The following WWC2 variants were observed in gnomAD, a reference collection of about 807,000 sequenced individuals.
The protein encoded by WWC2 is WW and C2 domain containing 2.
WWC2 carries 101 observed loss-of-function variants against 138.5 expected under a neutral mutation model. That is an observed-to-expected ratio of 0.73 (90% confidence interval 0.62 to 0.86). The LOEUF is 0.86. Ranked by LOEUF, WWC2 falls within the 40% of genes least tolerant of loss-of-function variation. The probability of loss-of-function intolerance (pLI) is 0.00; values close to 1 mark genes in which losing one functional copy is unlikely to be tolerated. For missense variants in WWC2, 1,420 were observed against 1,419.4 expected (o/e 1.00, Z -0.01); for synonymous variants, 558 against 538.4 (o/e 1.04, Z -0.50).
At chr4:183,269,243 G>A in intron 15 of WWC2, 80 bp downstream of exon 15, 1 of 1,424,004 alleles carries the variant, frequency 7.0e-7, no homozygotes, top group Non-Finnish European at 9.5e-7. Context: ...TTGCTATTTT[G>A]CCAGCCCTAG....
rs922830353 is a variant in WWC2 at position 183,228,725 on chromosome 4, G to A, written c.523-11458G>A. On this transcript the variant is annotated intron_variant, in intron 4 of 22. Coordinates refer to ENST00000403733, the MANE Select transcript of WWC2 (RefSeq NM_024949.6). ...AGCTGGAACTCTTTACTGCTGGTGG[G>A]AAACTGGCCTTTCCTAATAAAGCTG... 5.7e-4 allele frequency among the ~76,000 whole-genome samples: 86 copies of A among 152,166 alleles called. 3 individuals are homozygous for A. Among genetic ancestry groups the A allele is most frequent in the African/African-American group, 2.0e-3 (81 of 41,434 alleles).
chr4:183,210,830 G>A (rs900676530), intron 4 of WWC2, among the ~76,000 whole-genome samples: 10 of 152,140 alleles, frequency 6.6e-5, no homozygotes, highest in African/African-American at 1.9e-4. Flanking sequence ...ACACACAGTG[G>A]TATTTGTGTC....
intron 1 of WWC2, among the ~76,000 whole-genome samples, chr4:183,123,750 A>G (rs1403225283): frequency 6.6e-6 from 1 of 152,120 alleles, no homozygotes; most frequent in Non-Finnish European, 1.5e-5. Context: ...TTTTCACTAT[A>G]CAGAGATAGT....
intron 1 of WWC2, among the ~76,000 whole-genome samples, chr4:183,113,537 T>G (rs933434308): frequency 2.7e-5 from 4 of 145,984 alleles, no homozygotes; most frequent in South Asian, 2.2e-4. Context: ...CGCGCGCACA[T>G]GCACGTGCAT....
intron 20 of WWC2, among the ~76,000 whole-genome samples, chr4:183,286,648 C>T (rs1214909966): frequency 1.3e-5 from 2 of 152,182 alleles, no homozygotes; most frequent in East Asian, 3.9e-4. Context: ...TTCCTGTTTA[C>T]TTGCTAACAG....
intron 21 of WWC2, among the ~76,000 whole-genome samples, chr4:183,310,830 T>A: frequency 1.4e-5 from 1 of 71,296 alleles, no homozygotes; most frequent in African/African-American, 5.1e-5. Flanking sequence ...CCTGGCATAT[T>A]GTAAAAAAAA....
chr4:183,143,181 TTATC>T (rs879579286), intron 1 of WWC2, among the ~76,000 whole-genome samples: 14 of 152,200 alleles, frequency 9.2e-5, no homozygotes, highest in Non-Finnish European at 2.1e-4. Context: ...TTCTGAGTAT[TTATC>T]AATAATGGGT....
At chr4:183,178,502 G>C (rs1734528247) in intron 1 of WWC2, among the ~76,000 whole-genome samples, 1 of 151,532 alleles carries the variant, frequency 6.6e-6, no homozygotes, top group Non-Finnish European at 1.5e-5. Context: ...GATCACTTGA[G>C]CCCAGGAGTT....
intron 22 of WWC2, among the ~76,000 whole-genome samples, chr4:183,315,448 C>G (rs746045051): frequency 1.3e-5 from 2 of 152,146 alleles, no homozygotes; most frequent in Non-Finnish European, 2.9e-5. Flanking sequence ...CTGTAGGTGA[C>G]TTCCGTGATC....
Position 183,319,237 on chromosome 4 carries a change from G to A in WWC2, c.*3508G>A, listed in dbSNP as rs566734721. ...AGTAAATGATTTGCCAAATGATTCC[G>A]CTCCATATGAATAATACCTTCAAAG... On this transcript the variant is annotated 3_prime_UTR_variant, in exon 23 of 23. Coordinates refer to ENST00000403733, the MANE Select transcript of WWC2 (RefSeq NM_024949.6). 1.4e-5 allele frequency: 3 copies of A among 212,910 alleles called. No homozygotes were observed. The highest frequency in any genetic ancestry group is 2.8e-5 in the Non-Finnish European group (3 of 106,472). The allele number at this position is 212,910 out of a possible 1,614,324, so 13.2% of individuals were successfully genotyped here.
chr4:183,249,979 A>T lies in WWC2; in HGVS notation c.939A>T (p.Glu313Asp), dbSNP rs112982959. 7.4e-6 allele frequency: 12 copies of T among 1,613,724 alleles called. No homozygotes were observed. Among genetic ancestry groups the T allele is most frequent in the Admixed American group, 5.0e-5 (3 of 60,004 alleles). The stretch of plus-strand genomic sequence containing the variant: ...AGGTCAGGCTAAGCCTACAGTATGA[A>T]GAAGCCAAAAGAAGGTAATGACAGA... ...AEKVRLSLQY[E>D]EAKRSMANLK... Residue 313 changes from glutamate (E) to aspartate (D), a missense_variant, in exon 8 of 23, where the codon GAA (glutamate) becomes GAT (aspartate). Physicochemically the swap from Glu to Asp is conservative, Grantham distance 45 (BLOSUM62 2). Coordinates refer to ENST00000403733, the MANE Select transcript of WWC2 (RefSeq NM_024949.6).
intron 21 of WWC2, among the ~76,000 whole-genome samples, chr4:183,311,578 GTTT>G (rs33921495): frequency 6.1e-5 from 7 of 115,296 alleles, no homozygotes; most frequent in Non-Finnish European, 1.1e-4. Context: ...ATGTGTGCAG[GTTT>G]TTTTTTTTTT....
chr4:183,222,927 C>CT (rs1735972281), intron 4 of WWC2, among the ~76,000 whole-genome samples: 1 of 152,116 alleles, frequency 6.6e-6, no homozygotes, highest in Non-Finnish European at 1.5e-5. Flanking sequence ...GATTGTGCCA[C>CT]TGTACTCCAG....
chr4:183,131,513 T>C (rs1732923613), intron 1 of WWC2, among the ~76,000 whole-genome samples: 2 of 152,196 alleles, frequency 1.3e-5, no homozygotes, highest in Admixed American at 1.3e-4. Flanking sequence ...TTTTGTTTTT[T>C]CTTGATTGTT....
chr4:183,148,057 T>C (rs1442592244), intron 1 of WWC2, among the ~76,000 whole-genome samples: 2 of 152,174 alleles, frequency 1.3e-5, no homozygotes, highest in Non-Finnish European at 2.9e-5. Flanking sequence ...ATGATCTCAT[T>C]AAAGCCAACC....
intron 1 of WWC2, among the ~76,000 whole-genome samples, chr4:183,179,943 C>T (rs764834059): frequency 2.0e-5 from 3 of 152,044 alleles, no homozygotes; most frequent in Admixed American, 1.3e-4. Flanking sequence ...AAATGTAAAC[C>T]GTGTGAAATA....
intron 1 of WWC2, among the ~76,000 whole-genome samples, chr4:183,107,367 C>T (rs548022346): frequency 6.6e-6 from 1 of 152,214 alleles, no homozygotes; most frequent in Non-Finnish European, 1.5e-5. Context: ...GGGCCGGTCT[C>T]GAACTTTTGA....
At chr4:183,152,787 G>A (rs1465271386) in intron 1 of WWC2, among the ~76,000 whole-genome samples, 4 of 151,746 alleles carry the variant, frequency 2.6e-5, no homozygotes, top group African/African-American at 9.7e-5. Context: ...GGAGGCTGAG[G>A]CAGGAGAATC....
At chr4:183,288,990 C>T (rs1474192569) in intron 20 of WWC2, among the ~76,000 whole-genome samples, 1 of 152,226 alleles carries the variant, frequency 6.6e-6, no homozygotes, top group Non-Finnish European at 1.5e-5. Flanking sequence ...GTAAGCCAGG[C>T]TGTACTATGG....
Sources: allele counts gnomAD v4.1 joint callset (sites outside exome capture counted in the v4.1 genomes callset), GRCh38; gene constraint gnomAD v4.1.1; transcripts MANE v1.5; gene names NCBI Gene and HGNC (gene_info 2026-07-23, HGNC 2026-07-21).